RGS8: variants seen among roughly 807,000 people sequenced by gnomAD.
The protein encoded by RGS8 is regulator of G protein signaling 8.
In RGS8, 8 loss-of-function variants were observed where a neutral mutation model predicts 21.7. The ratio of observed to expected loss-of-function variants is 0.37; its 90% CI spans 0.22 to 0.66. The LOEUF is 0.66. RGS8 is among the 30% of genes least tolerant of loss of function. The pLI, the probability that RGS8 is intolerant of heterozygous loss-of-function variation, is 0.59. For missense variants in RGS8, 157 were observed against 217.9 expected (o/e 0.72, Z 1.76); for synonymous variants, 80 against 83.6 (o/e 0.96, Z 0.24).
chr1:182,705,655 G>T, the RGS8 span, among the ~76,000 whole-genome samples: 1 of 135,876 alleles, frequency 7.4e-6, no homozygotes, highest in Non-Finnish European at 1.6e-5. Context: ...GTAAATATCT[G>T]CATCATCTAC....
the RGS8 span, among the ~76,000 whole-genome samples, chr1:182,711,379 T>G: frequency 2.6e-5 from 4 of 152,188 alleles, no homozygotes; most frequent in African/African-American, 9.7e-5. Flanking sequence ...ATTCTTCTGA[T>G]TTCCAAGAGT....
chr1:182,739,918 C>T, the RGS8 span, among the ~76,000 whole-genome samples: 15 of 152,132 alleles, frequency 9.9e-5, no homozygotes, highest in Non-Finnish European at 2.1e-4. Context: ...GCTTTTCGTC[C>T]CTACCCATAC....
At chr1:182,706,123 T>C in the RGS8 span, among the ~76,000 whole-genome samples, 4 of 151,414 alleles carry the variant, frequency 2.6e-5, no homozygotes, top group African/African-American at 7.3e-5. Flanking sequence ...GCTGGGACTA[T>C]AGGTATGCAC....
the RGS8 span, among the ~76,000 whole-genome samples, chr1:182,694,577 T>C: frequency 6.6e-6 from 1 of 151,836 alleles, no homozygotes; most frequent in Non-Finnish European, 1.5e-5. Flanking sequence ...GAGGCCGAGG[T>C]GGGAAGATCA....
chr1:182,643,008 G>A (rs1183566797), downstream of RGS8: 1 of 152,224 alleles, frequency 6.6e-6, no homozygotes, highest in African/African-American at 2.4e-5. Context: ...CCAAACACAA[G>A]GGCGCAGGAA....
At chr1:182,653,036 T>C (rs915826701) in intron 5 of RGS8, among the ~76,000 whole-genome samples, 38 of 152,314 alleles carry the variant, frequency 2.5e-4, no homozygotes, top group Admixed American at 6.5e-4. Context: ...TAGGATAGCA[T>C]ACACCAAGAG....
At chr1:182,735,882 T>C in the RGS8 span, among the ~76,000 whole-genome samples, 1 of 152,202 alleles carries the variant, frequency 6.6e-6, no homozygotes. Flanking sequence ...AGGGCCTTTC[T>C]GCCCCCAAAT....
chr1:182,658,033 G>T (rs1449595110), intron 5 of RGS8, among the ~76,000 whole-genome samples: 1 of 152,136 alleles, frequency 6.6e-6, no homozygotes. Context: ...AGAAGTCAAG[G>T]GTGCTAAGAA....
chr1:182,713,994 G>A, the RGS8 span, among the ~76,000 whole-genome samples: 47 of 152,130 alleles, frequency 3.1e-4, no homozygotes, highest in East Asian at 1.9e-3. Flanking sequence ...AATCCTCTTC[G>A]TGTGCATATT....
chr1:182,671,947 C>T (rs552759780), upstream of RGS8: 74 of 1,394,822 alleles, frequency 5.3e-5, no homozygotes, highest in African/African-American at 8.6e-4. Flanking sequence ...ACCCAGCGGG[C>T]GGCGGCTCAG....
chr1:182,724,890 T>C, the RGS8 span, among the ~76,000 whole-genome samples: 3 of 152,162 alleles, frequency 2.0e-5, no homozygotes, highest in Non-Finnish European at 2.9e-5. Context: ...TTTTGAGAGG[T>C]TGACCAAAGC....
At chr1:182,672,535 A>T (rs554805505), upstream of RGS8, among the ~76,000 whole-genome samples, 123 of 150,854 alleles carry the variant, frequency 8.2e-4, no homozygotes, top group African/African-American at 2.6e-3. Context: ...GCTCATCTCC[A>T]CTCCCACCCT....
At chr1:182,671,566 C>T in intron 2 of RGS8, 91 bp downstream of exon 3, 1 of 1,088,288 alleles carries the variant, frequency 9.2e-7, no homozygotes, top group Non-Finnish European at 1.4e-6. Flanking sequence ...AATCAATATG[C>T]ATGAAGAGGC....
At chr1:182,654,670 G>T (rs1028901356) in intron 5 of RGS8, among the ~76,000 whole-genome samples, 1 of 152,130 alleles carries the variant, frequency 6.6e-6, no homozygotes, top group Admixed American at 6.5e-5. Context: ...AGTGGGAAGG[G>T]TTTGGAACAG....
chr1:182,744,382 C>T, the RGS8 span, among the ~76,000 whole-genome samples: 1 of 152,186 alleles, frequency 6.6e-6, no homozygotes, highest in East Asian at 1.9e-4. Flanking sequence ...AGTGCCTCCA[C>T]CTCCCAAAGT....
the RGS8 span, among the ~76,000 whole-genome samples, chr1:182,732,272 T>TACACACACACAC: frequency 2.5e-3 from 330 of 132,574 alleles, 2 homozygotes; most frequent in African/African-American, 8.3e-3. Flanking sequence ...CTCTCTCTCA[T>TACACACACACAC]ACACACACAC....
At chr1:182,699,220 C>G in the RGS8 span, among the ~76,000 whole-genome samples, 1 of 152,206 alleles carries the variant, frequency 6.6e-6, no homozygotes, top group East Asian at 1.9e-4. Context: ...CAGAGGCAGG[C>G]CTTCCTTCAT....
the RGS8 span, among the ~76,000 whole-genome samples, chr1:182,752,310 A>G: frequency 6.6e-6 from 1 of 152,220 alleles, no homozygotes; most frequent in African/African-American, 2.4e-5. Context: ...CAGAATGGCC[A>G]GTAATTCAAG....
the RGS8 span, among the ~76,000 whole-genome samples, chr1:182,708,613 G>A: frequency 2.6e-5 from 4 of 152,238 alleles, no homozygotes; most frequent in South Asian, 2.1e-4. Flanking sequence ...GCCTTAGCAC[G>A]GCTCCATCTC....
Sources: allele counts gnomAD v4.1 joint callset (sites outside exome capture counted in the v4.1 genomes callset), GRCh38; gene constraint gnomAD v4.1.1; transcripts MANE v1.5; gene names NCBI Gene and HGNC (gene_info 2026-07-23, HGNC 2026-07-21).